Variants in MEMO1 observed in about 807,000 individuals in gnomAD.
MEMO1 encodes the protein protein MEMO1.
MEMO1 carries 6 observed loss-of-function variants against 45.2 expected under a neutral mutation model. The observed-to-expected ratio is 0.13, with a 90% CI of 0.07 to 0.26. MEMO1 has a LOEUF of 0.26. Among genes scored for constraint, MEMO1 ranks in the 10% least tolerant of loss-of-function variants. The pLI, the probability that MEMO1 is intolerant of heterozygous loss-of-function variation, is 1.00. For synonymous variants in MEMO1, 78 were observed against 124.3 expected, an observed-to-expected ratio of 0.63 and a Z score of 2.48; for missense variants, 184 against 370.5, an observed-to-expected ratio of 0.50 and a Z score of 4.13.
chr2:31,996,507 G>A (rs1216903813), intron 2 of MEMO1, among the ~76,000 whole-genome samples: 1 of 151,912 alleles, frequency 6.6e-6, no homozygotes, highest in African/African-American at 2.4e-5. Context: ...TCGTGCCACT[G>A]CACTCCAGCC....
chr2:31,882,142 T>C (rs1675486587), intron 8 of MEMO1, among the ~76,000 whole-genome samples: 1 of 151,524 alleles, frequency 6.6e-6, no homozygotes, highest in Admixed American at 6.6e-5. Context: ...AGACCTTCTC[T>C]CTAAATAAAT....
intron 6 of MEMO1, among the ~76,000 whole-genome samples, chr2:31,898,677 A>C (rs899393317): frequency 1.3e-5 from 2 of 152,160 alleles, no homozygotes; most frequent in Non-Finnish European, 1.5e-5. Flanking sequence ...GCTGAGAAGA[A>C]GGCATATTCT....
At chr2:31,943,513 G>T (rs1439057092) in intron 2 of MEMO1, 130 bp from the exon 3 acceptor site, 3 of 700,126 alleles carry the variant, frequency 4.3e-6, no homozygotes, top group Non-Finnish European at 7.6e-6. Context: ...TCATCAGTTG[G>T]GATGTTAATG....
At chr2:31,920,959 A>C (rs746417243) in intron 4 of MEMO1, 49 bp from the exon 5 acceptor site, 2 of 1,206,646 alleles carry the variant, frequency 1.7e-6, no homozygotes, top group South Asian at 2.6e-5. Context: ...CTTCTACACA[A>C]ACCTTATTAA....
Position 31,928,654 on chromosome 2 carries a change from A to G in MEMO1, c.212+3413T>C, listed in dbSNP as rs149261280. 4.2e-3 allele frequency among the ~76,000 whole-genome samples: 645 copies of G among 152,206 alleles called. 9 individuals are homozygous for G. The highest frequency in any genetic ancestry group is 0.015 in the African/African-American group (607 of 41,548). On this transcript the variant is annotated intron_variant, in intron 4 of 9. Transcript: ENST00000404530. The stretch of plus-strand genomic sequence containing the variant: ...GTCAGTTTAAGAATCATTAGTCCCC[A>G]CAACTTGTAATCATTTTTGCACAAA...
chr2:31,953,748 T>C (rs182551161), intron 2 of MEMO1, among the ~76,000 whole-genome samples: 3 of 152,226 alleles, frequency 2.0e-5, no homozygotes, highest in South Asian at 2.1e-4. Flanking sequence ...TGAGCCACCG[T>C]GCCCAGCCCC....
At chr2:31,878,924 C>T (rs1426042124) in intron 8 of MEMO1, among the ~76,000 whole-genome samples, 5 of 151,864 alleles carry the variant, frequency 3.3e-5, no homozygotes, top group African/African-American at 1.2e-4. Context: ...AAGGTTAAAC[C>T]GAGGAGAAAC....
At chr2:31,942,703 G>C (rs1377726573) in intron 3 of MEMO1, among the ~76,000 whole-genome samples, 4 of 151,914 alleles carry the variant, frequency 2.6e-5, no homozygotes, top group African/African-American at 9.7e-5. Context: ...TGTATTTTTA[G>C]TAGAGATGGA....
At chr2:31,977,723 G>T (rs950159921) in intron 2 of MEMO1, among the ~76,000 whole-genome samples, 1 of 151,914 alleles carries the variant, frequency 6.6e-6, no homozygotes, top group Non-Finnish European at 1.5e-5. Context: ...GTTAGAGGTG[G>T]GATTTCACCA....
chr2:31,923,860 A>C, intron 4 of MEMO1: 1 of 1,177,302 alleles, frequency 8.5e-7, no homozygotes, highest in Non-Finnish European at 1.1e-6. Flanking sequence ...TGCTCCAGAA[A>C]TAAACACCAG....
chr2:31,937,869 A>T (rs1665104761), intron 3 of MEMO1, among the ~76,000 whole-genome samples: 2 of 152,356 alleles, frequency 1.3e-5, no homozygotes, highest in South Asian at 4.1e-4. Flanking sequence ...AGCGATGCAT[A>T]TCTGTACAGC....
chr2:32,008,927 CAT>C (rs1211121521), intron 2 of MEMO1, among the ~76,000 whole-genome samples: 1 of 152,068 alleles, frequency 6.6e-6, no homozygotes, highest in Non-Finnish European at 1.5e-5. Context: ...TCTCACAGGC[CAT>C]GTCACTCTCC....
intron 2 of MEMO1, among the ~76,000 whole-genome samples, chr2:31,977,646 T>G (rs1199478038): frequency 6.6e-6 from 1 of 152,108 alleles, no homozygotes; most frequent in Non-Finnish European, 1.5e-5. Context: ...CCCAAGTAGC[T>G]GGGACTACAG....
chr2:31,921,462 G>A (rs923562322), intron 4 of MEMO1, among the ~76,000 whole-genome samples: 6 of 151,998 alleles, frequency 3.9e-5, no homozygotes, highest in African/African-American at 1.5e-4. Flanking sequence ...TCAATACTTG[G>A]AAATACCAGT....
intron 2 of MEMO1, among the ~76,000 whole-genome samples, chr2:31,964,112 T>TA (rs1216464526): frequency 3.3e-5 from 5 of 152,134 alleles, no homozygotes; most frequent in Non-Finnish European, 7.3e-5. Flanking sequence ...TAGACAGGAA[T>TA]ACTCTAAATC....
At chr2:31,882,143 CTAAATAAA>C (rs547005443) in intron 8 of MEMO1, among the ~76,000 whole-genome samples, 2 of 151,454 alleles carry the variant, frequency 1.3e-5, no homozygotes, top group African/African-American at 4.8e-5. Flanking sequence ...GACCTTCTCT[CTAAATAAA>C]TAAATAAATA....
chr2:32,006,964 CAAAAAAAA>C (rs67557055), intron 2 of MEMO1, among the ~76,000 whole-genome samples: 1 of 75,984 alleles, frequency 1.3e-5, no homozygotes, highest in African/African-American at 5.0e-5. Context: ...GATTCCATCT[CAAAAAAAA>C]AAAAAAAAAA....
intron 2 of MEMO1, among the ~76,000 whole-genome samples, chr2:32,006,657 G>A (rs1674112655): frequency 1.3e-5 from 2 of 151,624 alleles, no homozygotes; most frequent in Admixed American, 6.6e-5. Context: ...GCTGATACCT[G>A]CTGCACACAC....
intron 8 of MEMO1, among the ~76,000 whole-genome samples, chr2:31,873,931 G>C (rs1425603822): frequency 6.6e-6 from 1 of 152,064 alleles, no homozygotes; most frequent in Admixed American, 6.5e-5. Context: ...TATAAGTGAT[G>C]TTATAAAACT....
Sources: gnomAD v4.1 joint callset for allele counts (sites outside exome capture counted in the v4.1 genomes callset) on GRCh38, gnomAD v4.1.1 for gene constraint, MANE v1.5 for transcripts, NCBI Gene and HGNC (gene_info 2026-07-23, HGNC 2026-07-21) for gene names.